PRKG1: variants seen among roughly 807,000 people sequenced by gnomAD.
PRKG1 encodes the protein cGMP-dependent protein kinase 1.
Under a neutral mutation model 88.1 loss-of-function variants are expected in PRKG1, and 35 were observed. The ratio of observed to expected loss-of-function variants is 0.40; its 90% confidence interval spans 0.30 to 0.53. PRKG1 has a LOEUF of 0.53. Ranked by LOEUF, PRKG1 falls within the 20% of genes least tolerant of loss-of-function variation. The pLI is 0.59. For synonymous variants in PRKG1, 303 were observed against 292.5 expected (o/e 1.04, Z -0.37); for missense variants, 540 against 839.8 (o/e 0.64, Z 4.41).
At chr10:51,788,801 G>A (rs141400357) in intron 3 of PRKG1, among the ~76,000 whole-genome samples, 106 of 152,262 alleles carry the variant, frequency 7.0e-4, no homozygotes, top group African/African-American at 2.4e-3. Context: ...TCTAAAGCAT[G>A]TCAACAGTGA....
At chr10:52,265,302 T>A (rs1207658838) in intron 10 of PRKG1, among the ~76,000 whole-genome samples, 3 of 152,100 alleles carry the variant, frequency 2.0e-5, no homozygotes, top group African/African-American at 7.2e-5. Flanking sequence ...CTGCTGTGCA[T>A]GGAAATGTAA....
intron 1 of PRKG1, among the ~76,000 whole-genome samples, chr10:51,129,714 G>T (rs981821346): frequency 7.2e-5 from 11 of 152,156 alleles, no homozygotes; most frequent in Non-Finnish European, 1.6e-4. Flanking sequence ...TAGTTTCCTA[G>T]CAAGGCAGTT....
At chr10:51,694,395 CTGAAAAGTGTAGT>C (rs1841229578) in intron 3 of PRKG1, among the ~76,000 whole-genome samples, 1 of 152,198 alleles carries the variant, frequency 6.6e-6, no homozygotes, top group Admixed American at 6.5e-5. Context: ...CATTAAAATT[CTGAAAAGTGTAGT>C]TGAAAAGCCA....
intron 2 of PRKG1, among the ~76,000 whole-genome samples, chr10:51,450,591 G>C (rs546501309): frequency 6.6e-6 from 1 of 152,006 alleles, no homozygotes; most frequent in South Asian, 2.1e-4. Flanking sequence ...GCAAATTCTG[G>C]GCCATCATTT....
intron 2 of PRKG1, among the ~76,000 whole-genome samples, chr10:51,309,358 C>T (rs114941968): frequency 0.016 from 2,386 of 152,070 alleles, 50 homozygotes; most frequent in African/African-American, 0.054. Context: ...AACTAATATC[C>T]GGAATTTACA....
At chr10:51,557,328 C>T (rs1192887094) in intron 3 of PRKG1, among the ~76,000 whole-genome samples, 2 of 138,872 alleles carry the variant, frequency 1.4e-5, no homozygotes, top group African/African-American at 4.9e-5. Flanking sequence ...ATGTTCTGGG[C>T]ACCGGCATAC....
chr10:51,147,217 T>G (rs1845966217), intron 1 of PRKG1, among the ~76,000 whole-genome samples: 1 of 152,170 alleles, frequency 6.6e-6, no homozygotes, highest in Non-Finnish European at 1.5e-5. Flanking sequence ...TCCAGTGTTC[T>G]ATAGCACTGA....
chr10:51,258,438 G>A (rs1839620031), intron 2 of PRKG1, among the ~76,000 whole-genome samples: 1 of 152,170 alleles, frequency 6.6e-6, no homozygotes, highest in Non-Finnish European at 1.5e-5. Context: ...GTGGACACAT[G>A]TCAGTACCTA....
At chr10:51,575,846 A>AGAT (rs1335816438) in intron 3 of PRKG1, among the ~76,000 whole-genome samples, 1 of 151,900 alleles carries the variant, frequency 6.6e-6, no homozygotes, top group African/African-American at 2.4e-5. Context: ...TTTTAAAAAT[A>AGAT]GATAGGTTGA....
At position 51,080,180 on chromosome 10, in the gene PRKG1, A is replaced by C. The variant is rs1348439949; in HGVS notation, c.311+5279A>C. Among the ~76,000 whole-genome samples, 3 of 152,196 alleles carry C rather than the reference A, an allele frequency of 2.0e-5. No homozygotes were observed. In the South Asian group the frequency reaches 6.2e-4, roughly 32 times the overall value. ...AAAATGTATGAGACCAGCGTGCTAAAACCCTATTAGGGTATTTTGAAGCAC... is the reference window on the plus strand; with the variant it reads ...AAAATGTATGAGACCAGCGTGCTAACACCCTATTAGGGTATTTTGAAGCAC... On this transcript the variant is annotated intron_variant, in intron 1 of 17. Transcript: ENST00000373980.
intron 1 of PRKG1, among the ~76,000 whole-genome samples, chr10:51,127,262 G>GAAC (rs760886325): frequency 2.0e-5 from 3 of 151,782 alleles, no homozygotes; most frequent in African/African-American, 4.8e-5. Context: ...TAATTTACAA[G>GAAC]AACAACAACA....
intron 5 of PRKG1, among the ~76,000 whole-genome samples, chr10:52,025,386 C>T (rs1188561718): frequency 1.3e-5 from 2 of 152,106 alleles, no homozygotes; most frequent in Admixed American, 6.5e-5. Context: ...GTGTTTTAGT[C>T]ATGAAGTCCT....
chr10:52,191,296 CA>C (rs1839357389), intron 9 of PRKG1, among the ~76,000 whole-genome samples: 1 of 151,708 alleles, frequency 6.6e-6, no homozygotes, highest in South Asian at 2.1e-4. Context: ...AGGGCAGGAA[CA>C]CAGCAGGAGT....
chr10:52,292,200 C>T (rs1307960936), intron 17 of PRKG1, among the ~76,000 whole-genome samples: 3 of 150,780 alleles, frequency 2.0e-5, no homozygotes, highest in Non-Finnish European at 4.4e-5. Context: ...AATTTTCTCC[C>T]ATTTTGTAGG....
At chr10:51,179,892 C>T (rs1381535491) in intron 2 of PRKG1, among the ~76,000 whole-genome samples, 2 of 152,118 alleles carry the variant, frequency 1.3e-5, no homozygotes, top group Admixed American at 6.5e-5. Context: ...TAATCATAGT[C>T]CCTACTTTGT....
intron 11 of PRKG1, among the ~76,000 whole-genome samples, chr10:52,271,947 A>C (rs1244928768): frequency 6.6e-6 from 1 of 152,036 alleles, no homozygotes; most frequent in Non-Finnish European, 1.5e-5. Flanking sequence ...TTTGTAGTGA[A>C]TTTTCCAGTG....
intron 3 of PRKG1, among the ~76,000 whole-genome samples, chr10:51,493,981 C>G (rs1840781405): frequency 6.6e-6 from 1 of 152,140 alleles, no homozygotes; most frequent in African/African-American, 2.4e-5. Context: ...GGAATGGACA[C>G]CAGTTCATAC....
intron 2 of PRKG1, among the ~76,000 whole-genome samples, chr10:51,166,017 A>G (rs1014205672): frequency 1.3e-5 from 2 of 152,028 alleles, no homozygotes; most frequent in African/African-American, 4.8e-5. Context: ...CTGGAAGAAC[A>G]TAATTCAATG....
At chr10:51,134,924 G>A (rs1454387774) in intron 1 of PRKG1, among the ~76,000 whole-genome samples, 2 of 152,062 alleles carry the variant, frequency 1.3e-5, no homozygotes, top group Admixed American at 6.6e-5. Flanking sequence ...GACTCCTTTG[G>A]AAAATAATAA....
Sources: allele counts gnomAD v4.1 joint callset (sites outside exome capture counted in the v4.1 genomes callset), GRCh38; gene constraint gnomAD v4.1.1; transcripts MANE v1.5; gene names NCBI Gene and HGNC (gene_info 2026-07-23, HGNC 2026-07-21).